The following CCZ1 variants were observed in gnomAD, a reference collection of about 807,000 sequenced individuals.
CCZ1 encodes vacuolar fusion protein CCZ1 homolog.
A neutral mutation model predicts 57.8 loss-of-function variants in CCZ1; 19 were observed. The observed-to-expected ratio is 0.33, with a 90% CI of 0.23 to 0.48. The LOEUF (loss-of-function observed/expected upper bound fraction) is 0.48. Among genes scored for constraint, CCZ1 ranks in the 20% least tolerant of loss-of-function variants. The pLI is 0.99. For missense variants in CCZ1, 200 were observed against 492.0 expected, an observed-to-expected ratio of 0.41 and a Z score of 5.61; for synonymous variants, 81 against 167.0, an observed-to-expected ratio of 0.49 and a Z score of 3.97.
At chr7:5,912,553 C>T (rs983918633) in intron 9 of CCZ1, among the ~76,000 whole-genome samples, 1 of 146,972 alleles carries the variant, frequency 6.8e-6, no homozygotes, top group Non-Finnish European at 1.5e-5. Flanking sequence ...GTGCCCACCA[C>T]CACGACCAGC....
chr7:5,901,449 C>G (rs186979856), intron 4 of CCZ1: 2 of 766,594 alleles, frequency 2.6e-6, no homozygotes, highest in Non-Finnish European at 3.6e-6. Context: ...TGTACCACTG[C>G]GCTCCAGCCT....
intron 10 of CCZ1, among the ~76,000 whole-genome samples, chr7:5,914,632 T>TG (rs1395207725): frequency 6.7e-6 from 1 of 148,634 alleles, no homozygotes; most frequent in African/African-American, 2.5e-5. Context: ...CCCAACACTT[T>TG]GGGAGGCCAA....
At chr7:5,904,951 A>G in intron 6 of CCZ1, 143 bp from the exon 7 acceptor site, 2 of 1,180,532 alleles carry the variant, frequency 1.7e-6, no homozygotes, top group Non-Finnish European at 2.4e-6. Flanking sequence ...CCATGTCTTC[A>G]CCACGGCCTC....
chr7:5,925,457 ACT>A (rs1491248996), intron 14 of CCZ1, 173 bp from the exon 15 acceptor site: 77 of 596,044 alleles, frequency 1.3e-4, no homozygotes, highest in South Asian at 5.2e-4. Flanking sequence ...ACAGAGCAAG[ACT>A]CTGTCTCAAA....
At chr7:5,912,753 G>T (rs1385146169) in intron 9 of CCZ1, 90 bp from the exon 10 acceptor site, 5 of 1,186,838 alleles carry the variant, frequency 4.2e-6, no homozygotes, top group Non-Finnish European at 5.0e-6. Context: ...AAAGCAACTG[G>T]TGTGTATGAA....
At chr7:5,923,066 C>G (rs1476789157) in intron 12 of CCZ1, among the ~76,000 whole-genome samples, 1 of 126,154 alleles carries the variant, frequency 7.9e-6, no homozygotes, top group South Asian at 2.3e-4. Context: ...CGCCTGTAAT[C>G]CCTGCACTTT....
intron 6 of CCZ1, 140 bp downstream of exon 6, chr7:5,902,884 A>G (rs1781715863): frequency 9.1e-7 from 1 of 1,100,828 alleles, no homozygotes; most frequent in Non-Finnish European, 1.2e-6. Flanking sequence ...GACCGTCGCA[A>G]AACTGGAGCA....
At chr7:5,901,873 T>C in intron 5 of CCZ1, 169 bp downstream of exon 5, 1 of 557,272 alleles carries the variant, frequency 1.8e-6, no homozygotes, top group Non-Finnish European at 3.1e-6. Context: ...TATGCCTACA[T>C]TTATTCAGTA....
At position 5,910,645 on chromosome 7, in the gene CCZ1, G is replaced by A. The variant is rs1200421209; in HGVS notation, c.780+529G>A. 2.1e-5 allele frequency among the ~76,000 whole-genome samples: 3 copies of A among 145,490 alleles called. 1 individual carries two copies. Among genetic ancestry groups the A allele is most frequent in the African/African-American group, 5.0e-5 (2 of 39,784 alleles). On this transcript the variant is annotated intron_variant, in intron 8 of 14. Transcript: ENST00000325974. The stretch of plus-strand genomic sequence containing the variant: ...CCAGTCCACAAGCATGTTTTTAAGA[G>A]GAGTGAGTCATTGAGTAGAGGAAAA...
At chr7:5,908,113 A>G (rs1781878429) in intron 7 of CCZ1, among the ~76,000 whole-genome samples, 1 of 141,898 alleles carries the variant, frequency 7.0e-6, no homozygotes, top group East Asian at 2.4e-4. Context: ...GTCTAAGAAA[A>G]AGAAAAACAG....
chr7:5,908,057 A>G (rs1402373268), intron 7 of CCZ1, among the ~76,000 whole-genome samples: 1 of 142,178 alleles, frequency 7.0e-6, no homozygotes, highest in Non-Finnish European at 1.5e-5. Context: ...GCAGTGAGCT[A>G]TGATAGCACC....
intron 12 of CCZ1, among the ~76,000 whole-genome samples, chr7:5,922,851 A>G (rs1475912487): frequency 6.7e-6 from 1 of 149,508 alleles, no homozygotes; most frequent in Non-Finnish European, 1.5e-5. Context: ...TACTCTCCTC[A>G]AGCAGGGGTC....
At chr7:5,905,959 TCTCAAACTCCTGGC>T (rs1252885002) in intron 7 of CCZ1, among the ~76,000 whole-genome samples, 2 of 135,134 alleles carry the variant, frequency 1.5e-5, no homozygotes, top group African/African-American at 5.5e-5. Context: ...CCCAGGCTGG[TCTCAAACTCCTGGC>T]CTCAAGCGAT....
chr7:5,911,377 C>T (rs62453611), intron 8 of CCZ1, among the ~76,000 whole-genome samples: 14,396 of 148,632 alleles, frequency 0.097, 1,377 homozygotes, highest in Non-Finnish European at 0.13. Context: ...TTTGTTGACT[C>T]GCATGGTCTC....
At chr7:5,910,013 C>T (rs749671251) in intron 7 of CCZ1, 22 bp from the exon 8 acceptor site, 23 of 1,598,082 alleles carry the variant, frequency 1.4e-5, no homozygotes, top group African/African-American at 6.8e-5. Context: ...ACGTTTAACC[C>T]AGTGCTTTTC....
chr7:5,906,044 C>A (rs1368616605), intron 7 of CCZ1, among the ~76,000 whole-genome samples: 1 of 146,260 alleles, frequency 6.8e-6, no homozygotes, highest in South Asian at 2.3e-4. Context: ...CACCTACTTT[C>A]TTTTAAAGAA....
At chr7:5,899,599 A>AG (rs1311543617) in intron 1 of CCZ1, among the ~76,000 whole-genome samples, 1 of 137,234 alleles carries the variant, frequency 7.3e-6, no homozygotes, top group Non-Finnish European at 1.6e-5. Flanking sequence ...ACTCTACAAA[A>AG]AAAAAAAAAA....
intron 14 of CCZ1, among the ~76,000 whole-genome samples, chr7:5,924,534 CA>C (rs2128616205): frequency 8.7e-6 from 1 of 114,414 alleles, no homozygotes; most frequent in African/African-American, 3.7e-5. Flanking sequence ...TTGCCCAGCC[CA>C]AAATGTCCTT....
rs1779063818 is a variant in CCZ1, at chr7:5,912,696, A to G, written c.843-147A>G. ...ATTACAGGCATGAGCCACCACGCCC[A>G]GCCAGCATATTCTGATATGGTGTTT... On this transcript the variant is annotated intron_variant, in intron 9 of 14. Coordinates refer to ENST00000325974, the MANE Select transcript of CCZ1 (RefSeq NM_015622.6). 1.2e-5 allele frequency: 11 copies of G among 899,726 alleles called. No homozygotes were observed. The Admixed American group carries it at 2.2e-4, about 18-fold the overall frequency. The allele number at this position is 899,726 out of a possible 1,614,324, so 55.7% of individuals were successfully genotyped here.
Sources: gnomAD v4.1 joint callset for allele counts (sites outside exome capture counted in the v4.1 genomes callset) on GRCh38, gnomAD v4.1.1 for gene constraint, MANE v1.5 for transcripts, NCBI Gene and HGNC (gene_info 2026-07-23, HGNC 2026-07-21) for gene names.